MAP2: variants seen among roughly 807,000 people sequenced by gnomAD.
The protein encoded by MAP2 is microtubule-associated protein 2.
In MAP2, 14 loss-of-function variants were observed where a neutral mutation model predicts 137.6. The ratio of observed to expected loss-of-function variants is 0.10; its 90% CI spans 0.07 to 0.16. The LOEUF is 0.16. Ranked by LOEUF, MAP2 falls within the 10% of genes least tolerant of loss-of-function variation. The probability of loss-of-function intolerance (pLI) is 1.00; values close to 1 mark genes in which losing one functional copy is unlikely to be tolerated. For missense variants in MAP2, 2,088 were observed against 2,191.5 expected (o/e 0.95, Z 0.94); for synonymous variants, 786 against 782.3 (o/e 1.00, Z -0.08).
Position 209,618,522 on chromosome 2 carries a change from T to TC in MAP2, c.-106-6529dup, listed in dbSNP as rs568987022. ...CTGCTCAATTTCCTTTGAGCCTCTC[T>TC]CCAATTTTTTTCTCCTACCACATGA... On this transcript the variant is annotated intron_variant, in intron 3 of 15. Transcript: ENST00000682079. 4.8e-4 allele frequency among the ~76,000 whole-genome samples: 73 copies of TC among 152,292 alleles called. 1 individual carries two copies. Among genetic ancestry groups the TC allele is most frequent in the African/African-American group, 1.6e-3 (65 of 41,570 alleles).
intron 1 of MAP2, among the ~76,000 whole-genome samples, chr2:209,482,773 C>T (rs1559218968): frequency 6.6e-6 from 1 of 152,096 alleles, no homozygotes; most frequent in African/African-American, 2.4e-5. Flanking sequence ...TCCATTCTAC[C>T]AACTACCTTG....
chr2:209,706,416 C>T (rs1386822104), intron 12 of MAP2, among the ~76,000 whole-genome samples: 2 of 152,008 alleles, frequency 1.3e-5, no homozygotes, highest in African/African-American at 4.8e-5. Context: ...AGATACTAAA[C>T]TCTTAAGATA....
intron 5 of MAP2, among the ~76,000 whole-genome samples, chr2:209,659,091 T>C (rs1582561966): frequency 6.6e-6 from 1 of 152,086 alleles, no homozygotes; most frequent in Non-Finnish European, 1.5e-5. Context: ...GTGAGAGAGG[T>C]GAATTGTGAA....
At chr2:209,564,436 G>A (rs766912009) in intron 2 of MAP2, among the ~76,000 whole-genome samples, 2 of 151,620 alleles carry the variant, frequency 1.3e-5, no homozygotes, top group Admixed American at 6.6e-5. Context: ...AACCAGTAGC[G>A]CCAGCATCAC....
intron 3 of MAP2, among the ~76,000 whole-genome samples, chr2:209,598,971 G>C (rs2082209421): frequency 6.6e-6 from 1 of 151,936 alleles, no homozygotes; most frequent in Non-Finnish European, 1.5e-5. Flanking sequence ...CCAGTAATGG[G>C]ATGGCTGGGT....
intron 1 of MAP2, among the ~76,000 whole-genome samples, chr2:209,427,285 C>A (rs1251518169): frequency 6.6e-6 from 1 of 152,168 alleles, no homozygotes; most frequent in East Asian, 1.9e-4. Flanking sequence ...TAAAAGTAGT[C>A]ACTTTAGGTA....
At chr2:209,479,730 T>A (rs1708273946) in intron 1 of MAP2, among the ~76,000 whole-genome samples, 1 of 152,136 alleles carries the variant, frequency 6.6e-6, no homozygotes, top group African/African-American at 2.4e-5. Context: ...AAAACAATAT[T>A]TTTAGTCCTG....
chr2:209,641,546 A>G (rs2094022304), intron 4 of MAP2, among the ~76,000 whole-genome samples: 1 of 151,394 alleles, frequency 6.6e-6, no homozygotes, highest in Admixed American at 6.6e-5. Context: ...GTTTAGCATC[A>G]TGTCCAAGTT....
At chr2:209,624,052 G>A (rs751720889) in intron 3 of MAP2, among the ~76,000 whole-genome samples, 3 of 152,156 alleles carry the variant, frequency 2.0e-5, no homozygotes, top group Non-Finnish European at 2.9e-5. Context: ...ACTTATGTCT[G>A]CTCATATCCA....
At chr2:209,668,136 G>T (rs2047150054) in intron 5 of MAP2, among the ~76,000 whole-genome samples, 1 of 152,008 alleles carries the variant, frequency 6.6e-6, no homozygotes, top group Non-Finnish European at 1.5e-5. Flanking sequence ...TATGCTTCTA[G>T]ATATCATTTC....
intron 3 of MAP2, among the ~76,000 whole-genome samples, chr2:209,588,167 C>T (rs1404346511): frequency 6.6e-6 from 1 of 152,176 alleles, no homozygotes; most frequent in East Asian, 1.9e-4. Context: ...GTCTTCTTTG[C>T]ATCATCAAGC....
chr2:209,659,529 A>G lies in MAP2; in HGVS notation c.262+6097A>G, dbSNP rs2042430014. 2.0e-5 allele frequency among the ~76,000 whole-genome samples: 3 copies of G among 152,202 alleles called. 1 individual carries two copies. The South Asian group carries it at 6.2e-4, about 32-fold the overall frequency. On this transcript the variant is annotated intron_variant, in intron 5 of 15. Transcript: ENST00000682079. ...CAGTTATCGATTACAGGCAAAGCAG[A>G]CAATTCTTCTATTCCAGAACTGCCA...
chr2:209,499,156 T>G (rs11686346), intron 1 of MAP2, among the ~76,000 whole-genome samples: 1 of 152,026 alleles, frequency 6.6e-6, no homozygotes, highest in African/African-American at 2.4e-5. Context: ...CAGCCAGGCC[T>G]CCTCTTGAAT....
intron 1 of MAP2, among the ~76,000 whole-genome samples, chr2:209,489,495 G>A (rs1576090898): frequency 2.0e-5 from 3 of 152,188 alleles, no homozygotes; most frequent in South Asian, 2.1e-4. Flanking sequence ...AAACTCCTCC[G>A]ACCTAAGGGA....
chr2:209,671,704 G>C (rs529964511), intron 5 of MAP2, among the ~76,000 whole-genome samples: 1 of 151,908 alleles, frequency 6.6e-6, no homozygotes, highest in African/African-American at 2.4e-5. Flanking sequence ...GAATTTACAG[G>C]CACTGTCTCT....
At chr2:209,428,673 C>G (rs1208070502) in intron 1 of MAP2, among the ~76,000 whole-genome samples, 1 of 151,836 alleles carries the variant, frequency 6.6e-6, no homozygotes, top group Non-Finnish European at 1.5e-5. Context: ...CTTCTCAAGG[C>G]TCCATCCCTA....
intron 1 of MAP2, among the ~76,000 whole-genome samples, chr2:209,499,323 A>G (rs1414359662): frequency 6.6e-6 from 1 of 152,118 alleles, no homozygotes; most frequent in Non-Finnish European, 1.5e-5. Flanking sequence ...TAAGTTCCTC[A>G]TTTCCATCAG....
chr2:209,515,199 A>G (rs2062303972), intron 2 of MAP2, among the ~76,000 whole-genome samples: 1 of 152,130 alleles, frequency 6.6e-6, no homozygotes, highest in Non-Finnish European at 1.5e-5. Flanking sequence ...CACTGAATGC[A>G]TTATATGAGT....
At chr2:209,670,212 C>A (rs1056678226) in intron 5 of MAP2, among the ~76,000 whole-genome samples, 12 of 151,864 alleles carry the variant, frequency 7.9e-5, no homozygotes, top group African/African-American at 2.9e-4. Context: ...AATATTACAA[C>A]CTTAGTTAAT....
Sources: allele counts gnomAD v4.1 joint callset (sites outside exome capture counted in the v4.1 genomes callset), GRCh38; gene constraint gnomAD v4.1.1; transcripts MANE v1.5; gene names NCBI Gene and HGNC (gene_info 2026-07-23, HGNC 2026-07-21).